The following SH3BP4 variants were observed in gnomAD, a reference collection of about 807,000 sequenced individuals.
SH3BP4 encodes SH3 domain binding protein 4.
Under a neutral mutation model 65.5 loss-of-function variants are expected in SH3BP4, and 33 were observed. That is an observed-to-expected ratio of 0.50 (90% CI 0.38 to 0.67). The LOEUF (loss-of-function observed/expected upper bound fraction) is 0.67, where lower values mean the gene tolerates loss of function less well. Ranked by LOEUF, SH3BP4 falls within the 30% of genes least tolerant of loss-of-function variation. SH3BP4 has a pLI of 0.00. For missense variants in SH3BP4, 1,134 were observed against 1,261.4 expected (o/e 0.90, Z 1.53); for synonymous variants, 552 against 545.5 (o/e 1.01, Z -0.17).
intron 1 of SH3BP4, among the ~76,000 whole-genome samples, chr2:234,971,060 A>G (rs1410548165): frequency 1.3e-5 from 2 of 152,202 alleles, no homozygotes; most frequent in South Asian, 2.1e-4. Flanking sequence ...AAATGTTATC[A>G]TCCTAACCAT....
chr2:235,035,068 C>G lies in SH3BP4; in HGVS notation c.66C>G (p.Thr22=). The G allele has an allele frequency of 3.1e-6, 5 of 1,614,066 alleles. No individual in the cohort carries two copies. The highest frequency in any genetic ancestry group is 2.2e-5 in the East Asian group (1 of 44,860). ...TCCCTCGCTGCAAGTCAGAGGGGAC[C>G]CTGATTGACCTGAGCGAAGGGTTTT... ...NGLPRCKSEG[T]LIDLSEGFSE... Residue 22 remains threonine, a synonymous_variant, in exon 3 of 6, where the codon ACC becomes ACG. Coordinates refer to ENST00000392011, the MANE Select transcript of SH3BP4 (RefSeq NM_014521.3). The surrounding 1 kb of genome is among the most constrained non-coding windows in gnomAD (Gnocchi z 5.0).
At chr2:235,036,740 A>AAAAAAAAAAAAAAAAAAATAATAAT (rs146049108) in intron 3 of SH3BP4, among the ~76,000 whole-genome samples, 5 of 141,738 alleles carry the variant, frequency 3.5e-5, no homozygotes, top group African/African-American at 1.1e-4. Flanking sequence ...TCTATATAAA[A>AAAAAAAAAAAAAAAAAAATAATAAT]AATAATAATA....
At chr2:234,989,346 C>A (rs1693679229) in intron 1 of SH3BP4, among the ~76,000 whole-genome samples, 1 of 152,160 alleles carries the variant, frequency 6.6e-6, no homozygotes, top group Admixed American at 6.5e-5. Flanking sequence ...GGATGTTGGG[C>A]CCGTTCCCGT....
Position 235,034,897 on chromosome 2 carries a change from C to T in SH3BP4, c.-106C>T, listed in dbSNP as rs555180426. 6.4e-5 allele frequency: 58 copies of T among 903,610 alleles called. No individual in the cohort carries two copies. Among genetic ancestry groups the T allele is most frequent in the African/African-American group, 5.6e-4 (34 of 60,238 alleles). 56.0% of individuals were successfully genotyped at this position (903,610 alleles called of 1,614,324 possible). On this transcript the variant is annotated 5_prime_UTR_variant, in exon 3 of 6. Transcript: ENST00000392011. This position sits in a 1 kb window ranked among gnomAD's most constrained non-coding sequence, Gnocchi z 6.2. ...AAGAAACATATTGCCGAGTGGATGC[C>T]GCCGCGCAGCGTGTTTGCTTGAGGC...
chr2:235,036,362 C>G (rs1695377155), intron 3 of SH3BP4, among the ~76,000 whole-genome samples: 1 of 152,188 alleles, frequency 6.6e-6, no homozygotes, highest in Admixed American at 6.5e-5. Context: ...TATAGCCCAA[C>G]TCATCAGAGT....
rs1357227721 is a variant in SH3BP4 at position 235,035,894 on chromosome 2, C to T, written c.118+774C>T. On this transcript the variant is annotated intron_variant, in intron 3 of 5. Transcript: ENST00000392011. This position sits in a 1 kb window ranked among gnomAD's most constrained non-coding sequence, Gnocchi z 5.0. ...ATGCTCCTTTGGGGCTTGGCAGTTG[C>T]GGTGACAGCACCATCATCATCAATA... Among the ~76,000 whole-genome samples the T allele has an allele frequency of 2.0e-5, 3 of 152,216 alleles. No homozygotes were observed. The highest frequency in any genetic ancestry group is 6.5e-5 in the Admixed American group (1 of 15,282).
rs752118866 is a variant in SH3BP4, at chr2:235,020,806, G to A, written c.-132-14065G>A. 2.7e-4 allele frequency among the ~76,000 whole-genome samples: 41 copies of A among 152,034 alleles called. 1 individual carries two copies. Among genetic ancestry groups the A allele is most frequent in the Non-Finnish European group, 1.3e-4 (9 of 68,002 alleles). On this transcript the variant is annotated intron_variant, in intron 2 of 5. Coordinates refer to ENST00000392011, the MANE Select transcript of SH3BP4 (RefSeq NM_014521.3). ...ATTGTGTTTTCATTGTTTCCATTTT[G>A]CAGCTAAGGAGTCCTTTCAAGGGCA...
intron 1 of SH3BP4, among the ~76,000 whole-genome samples, chr2:234,956,714 C>CG (rs1559222360): frequency 6.7e-6 from 1 of 150,218 alleles, no homozygotes; most frequent in Non-Finnish European, 1.5e-5. Context: ...CCAGCACGCC[C>CG]GGGTAGTTTT....
At chr2:235,006,286 G>C (rs550621069) in intron 2 of SH3BP4, among the ~76,000 whole-genome samples, 3 of 152,212 alleles carry the variant, frequency 2.0e-5, no homozygotes, top group South Asian at 4.1e-4. Context: ...TGGGCTGAGC[G>C]TGAGTGTGTT....
intron 2 of SH3BP4, among the ~76,000 whole-genome samples, chr2:235,015,459 A>C (rs1191122822): frequency 6.6e-6 from 1 of 152,212 alleles, no homozygotes; most frequent in Admixed American, 6.5e-5. Context: ...CGATGGGGAC[A>C]GTGAGGCACA....
intron 4 of SH3BP4, among the ~76,000 whole-genome samples, chr2:235,049,953 G>A (rs961203848): frequency 1.3e-5 from 2 of 151,496 alleles, no homozygotes; most frequent in African/African-American, 2.4e-5. Context: ...GGGGTTGGGT[G>A]CCCAGAGGCA....
At position 234,956,714 on chromosome 2, in the gene SH3BP4, C is replaced by T. The variant is rs117225283; in HGVS notation, c.-207+4544C>T. Among the ~76,000 whole-genome samples, 88 of 150,340 alleles carry T rather than the reference C, an allele frequency of 5.9e-4. No individual in the cohort carries two copies. In the East Asian group the frequency reaches 0.016, roughly 28 times the overall value. ...AACTACAGGTGCACACCAGCACGCC[C>T]GGGTAGTTTTTTTTTTTAAATTCTT... On this transcript the variant is annotated intron_variant, in intron 1 of 5. Transcript: ENST00000392011.
intron 3 of SH3BP4, among the ~76,000 whole-genome samples, chr2:235,036,302 T>C (rs1006691377): frequency 6.6e-6 from 1 of 152,248 alleles, no homozygotes; most frequent in Non-Finnish European, 1.5e-5. Flanking sequence ...CATAAATAAC[T>C]GAAGCATTTA....
At chr2:234,989,015 T>C (rs528768569) in intron 1 of SH3BP4, among the ~76,000 whole-genome samples, 33 of 152,192 alleles carry the variant, frequency 2.2e-4, no homozygotes, top group African/African-American at 7.5e-4. Context: ...ACGTTGTCAG[T>C]GTGTAAGTTT....
chr2:234,987,435 A>G (rs1380263249), intron 1 of SH3BP4, among the ~76,000 whole-genome samples: 2 of 152,202 alleles, frequency 1.3e-5, no homozygotes, highest in African/African-American at 2.4e-5. Flanking sequence ...GCCCCATGTT[A>G]CAGTTGAGGA....
Position 234,969,412 on chromosome 2 carries a change from C to T in SH3BP4, c.-207+17242C>T, listed in dbSNP as rs143671371. Among the ~76,000 whole-genome samples the T allele has an allele frequency of 1.3e-3, 195 of 152,280 alleles. 3 individuals carry two copies. Among genetic ancestry groups the T allele is most frequent in the Non-Finnish European group, 5.4e-4 (37 of 68,016 alleles). ...CCTGGGACGTCCCAGTGTGTGCTGG[C>T]TCTGAGTAGGTGGCTCTGTGACCCT... On this transcript the variant is annotated intron_variant, in intron 1 of 5. Transcript: ENST00000392011.
In SH3BP4 at chr2:235,019,498, G is replaced by A. The variant is rs191225441; in HGVS notation, c.-132-15373G>A. 1.7e-4 allele frequency among the ~76,000 whole-genome samples: 25 copies of A among 149,128 alleles called. No individual in the cohort carries two copies. In the East Asian group the frequency reaches 4.8e-3, roughly 29 times the overall value. On this transcript the variant is annotated intron_variant, in intron 2 of 5. Transcript: ENST00000392011. ...GTTGCCCAGGCTAGAGTGCAATGGCGCGATCTCAGCTCACTGCCACCTCCG... is the reference window on the plus strand; with the variant it reads ...GTTGCCCAGGCTAGAGTGCAATGGCACGATCTCAGCTCACTGCCACCTCCG...
At chr2:235,048,512 TG>T in intron 4 of SH3BP4, among the ~76,000 whole-genome samples, 1 of 151,684 alleles carries the variant, frequency 6.6e-6, no homozygotes, top group South Asian at 2.1e-4. Context: ...TTTTTTTTTT[TG>T]TCTGTAGTAG....
At position 235,052,110 on chromosome 2, in the gene SH3BP4, A is replaced by G. The variant is rs775614820; in HGVS notation, c.2479-452A>G. 1.3e-5 allele frequency among the ~76,000 whole-genome samples: 2 copies of G among 152,144 alleles called. No homozygotes were observed. Among genetic ancestry groups the G allele is most frequent in the Non-Finnish European group, 2.9e-5 (2 of 68,030 alleles). ...TGCAGGCCTGCCTCTCCTAAGCCCC[A>G]CTGGCTCAACCCTCCTTCTTTTCCT... On this transcript the variant is annotated intron_variant, in intron 4 of 5. Transcript: ENST00000392011. This position sits in a 1 kb window ranked among gnomAD's most constrained non-coding sequence, Gnocchi z 5.0.
Sources: gnomAD v4.1 joint callset for allele counts (sites outside exome capture counted in the v4.1 genomes callset) on GRCh38, gnomAD v4.1.1 for gene constraint, Gnocchi (gnomAD v3.1) non-coding constraint, MANE v1.5 for transcripts, NCBI Gene and HGNC (gene_info 2026-07-23, HGNC 2026-07-21) for gene names.